The following CLTCL1 variants were observed in gnomAD, a reference collection of about 807,000 sequenced individuals.
CLTCL1 encodes clathrin heavy chain like 1.
A neutral mutation model predicts 190.0 loss-of-function variants in CLTCL1; 159 were observed. The observed-to-expected ratio is 0.84, with a 90% CI of 0.74 to 0.95. CLTCL1 has a LOEUF of 0.95. Ranked by LOEUF, CLTCL1 falls within the 40% of genes least tolerant of loss-of-function variation. The pLI, the probability that CLTCL1 is intolerant of heterozygous loss-of-function variation, is 0.00. For missense variants in CLTCL1, 1,878 were observed against 2,033.4 expected (o/e 0.92, Z 1.47); for synonymous variants, 752 against 769.6 (o/e 0.98, Z 0.38).
At chr22:19,210,722 G>A (rs1391368631) in intron 19 of CLTCL1, among the ~76,000 whole-genome samples, 1 of 152,198 alleles carries the variant, frequency 6.6e-6, no homozygotes, top group Non-Finnish European at 1.5e-5. Flanking sequence ...GCACAGGTAA[G>A]AGAATCAGAA....
At chr22:19,272,692 AAC>A (rs1555981312) in intron 2 of CLTCL1, among the ~76,000 whole-genome samples, 1 of 151,962 alleles carries the variant, frequency 6.6e-6, no homozygotes, top group African/African-American at 2.4e-5. Context: ...GCTGGTCTCG[AAC>A]TCCCGACCTC....
intron 17 of CLTCL1, among the ~76,000 whole-genome samples, chr22:19,220,432 G>C (rs1555951704): frequency 2.0e-5 from 3 of 152,210 alleles, no homozygotes; most frequent in African/African-American, 7.2e-5. Context: ...TCTGTAAAAT[G>C]TTATCAGAAC....
rs531036870 is a variant in CLTCL1 at position 19,205,621 on chromosome 22, C to T, written c.3600+2533G>A. On this transcript the variant is annotated intron_variant, in intron 22 of 32. Transcript: ENST00000427926. ...ATAGGTAAAACTATGTGGATCTTTT[C>T]TACTTTCTTGGGATAGATTTTTACA... Among the ~76,000 whole-genome samples the T allele has an allele frequency of 7.1e-4, 108 of 152,244 alleles. 1 individual carries two copies. The Middle Eastern group carries it at 0.014, about 19-fold the overall frequency.
intron 24 of CLTCL1, 26 bp from the exon 25 acceptor site, chr22:19,196,682 G>T: frequency 6.3e-7 from 1 of 1,598,920 alleles, no homozygotes; most frequent in Middle Eastern, 1.9e-4. Context: ...CCACGCGTGG[G>T]GCAGAGTGAT....
chr22:19,256,226 T>C (rs1255616420), intron 2 of CLTCL1, among the ~76,000 whole-genome samples: 1 of 151,876 alleles, frequency 6.6e-6, no homozygotes, highest in African/African-American at 2.4e-5. Context: ...GGAGCAATCA[T>C]AGCTCATTGC....
At chr22:19,211,113 GA>G (rs199672902) in intron 19 of CLTCL1, among the ~76,000 whole-genome samples, 1,619 of 151,644 alleles carry the variant, frequency 0.011, 28 homozygotes, top group African/African-American at 0.036. Flanking sequence ...CAAAAATGTG[GA>G]AAAAAAATCA....
intron 22 of CLTCL1, chr22:19,207,805 T>C (rs992281298): frequency 3.3e-6 from 2 of 598,876 alleles, no homozygotes; most frequent in Admixed American, 5.6e-5. Flanking sequence ...CTGTGTTGCA[T>C]GCTTCTTATG....
chr22:19,238,894 TTACACAGGTA>T (rs1555963618), intron 5 of CLTCL1, among the ~76,000 whole-genome samples: 1 of 152,230 alleles, frequency 6.6e-6, no homozygotes, highest in East Asian at 1.9e-4. Flanking sequence ...TGCAGTTTTG[TTACACAGGTA>T]TACACGTGCC....
intron 3 of CLTCL1, among the ~76,000 whole-genome samples, chr22:19,244,028 T>A (rs1234894930): frequency 2.0e-5 from 3 of 152,200 alleles, no homozygotes; most frequent in Admixed American, 1.3e-4. Flanking sequence ...AGAATTTCAG[T>A]ACATTTATAT....
intron 5 of CLTCL1, among the ~76,000 whole-genome samples, chr22:19,236,972 G>C (rs2086100424): frequency 6.6e-6 from 1 of 151,976 alleles, no homozygotes; most frequent in South Asian, 2.1e-4. Context: ...AAAAAACAAG[G>C]ACAATTAGGA....
chr22:19,259,887 G>A (rs1272271667), intron 2 of CLTCL1, among the ~76,000 whole-genome samples: 3 of 152,242 alleles, frequency 2.0e-5, no homozygotes, highest in African/African-American at 7.2e-5. Flanking sequence ...CAGACTGAAG[G>A]TTAGGTCTCT....
chr22:19,228,536 T>A (rs2085824281), intron 11 of CLTCL1, among the ~76,000 whole-genome samples: 1 of 152,226 alleles, frequency 6.6e-6, no homozygotes, highest in African/African-American at 2.4e-5. Flanking sequence ...AAATTAACAG[T>A]ACTTTTATTT....
intron 2 of CLTCL1, among the ~76,000 whole-genome samples, chr22:19,272,469 C>T (rs370519803): frequency 6.6e-6 from 1 of 151,956 alleles, no homozygotes; most frequent in African/African-American, 2.4e-5. Context: ...GAGTTTCGCT[C>T]TTTTTTGTTT....
intron 7 of CLTCL1, 114 bp from the exon 8 acceptor site, chr22:19,233,736 T>C: frequency 1.1e-6 from 1 of 910,638 alleles, no homozygotes; most frequent in Non-Finnish European, 1.7e-6. Context: ...CACTGCTCTG[T>C]CATAGACAAA....
At position 19,220,080 on chromosome 22, in the gene CLTCL1, T is replaced by C; in HGVS notation, c.2797-73A>G. 3.1e-6 allele frequency: 5 copies of C among 1,594,088 alleles called. No homozygotes were observed. The South Asian group carries it at 5.6e-5, about 18-fold the overall frequency. On this transcript the variant is annotated intron_variant, in intron 17 of 32. Transcript: ENST00000427926. ...AGCTGCTTGGGAGGACACACCCCAA[T>C]TCGTTCCCTGTGTGCCTGATACTGG...
intron 3 of CLTCL1, chr22:19,249,977 G>A: frequency 2.7e-6 from 1 of 365,954 alleles, no homozygotes; most frequent in South Asian, 2.1e-5. Context: ...AAATGGGCCG[G>A]GCGCGGTGGC....
At chr22:19,277,014 T>C (rs575694553) in intron 1 of CLTCL1, among the ~76,000 whole-genome samples, 1 of 152,280 alleles carries the variant, frequency 6.6e-6, no homozygotes, top group East Asian at 1.9e-4. Flanking sequence ...GCCCCAATTC[T>C]ACTGCTACTG....
intron 1 of CLTCL1, among the ~76,000 whole-genome samples, chr22:19,281,018 C>T (rs1482001247): frequency 6.7e-6 from 1 of 149,370 alleles, no homozygotes; most frequent in South Asian, 2.1e-4. Flanking sequence ...GGGCCGGGCG[C>T]GGCGGCTCAC....
Position 19,272,863 on chromosome 22 carries a change from C to T in CLTCL1, c.250+2760G>A, listed in dbSNP as rs186331622. 7.2e-4 allele frequency among the ~76,000 whole-genome samples: 110 copies of T among 152,294 alleles called. 1 individual carries two copies. In the Middle Eastern group the frequency reaches 0.014, roughly 19 times the overall value. On this transcript the variant is annotated intron_variant, in intron 2 of 32. Coordinates refer to ENST00000427926, the MANE Select transcript of CLTCL1 (RefSeq NM_007098.4). Reference sequence around the variant, plus strand: ...GCACGATAATAGCTCACTACAACTTCGAACTCCTGGGCTCAAGTAATTCTC... The same window carrying T: ...GCACGATAATAGCTCACTACAACTTTGAACTCCTGGGCTCAAGTAATTCTC...
Sources: gnomAD v4.1 joint callset for allele counts (sites outside exome capture counted in the v4.1 genomes callset) on GRCh38, gnomAD v4.1.1 for gene constraint, MANE v1.5 for transcripts, NCBI Gene and HGNC (gene_info 2026-07-23, HGNC 2026-07-21) for gene names.